Variants in GABRG3 observed in about 807,000 individuals in gnomAD.
GABRG3 encodes gamma-aminobutyric acid type A receptor subunit gamma3.
A neutral mutation model predicts 48.8 loss-of-function variants in GABRG3; 25 were observed. That is an observed-to-expected ratio of 0.51 (90% CI 0.37 to 0.72). GABRG3 has a LOEUF of 0.72. Among genes scored for constraint, GABRG3 ranks in the 30% least tolerant of loss-of-function variants. The pLI is 0.00. For missense variants in GABRG3, 394 were observed against 577.9 expected (o/e 0.68, Z 3.26); for synonymous variants, 227 against 217.6 (o/e 1.04, Z -0.38).
At chr15:27,231,918 A>G (rs1397995527) in intron 3 of GABRG3, among the ~76,000 whole-genome samples, 1 of 152,164 alleles carries the variant, frequency 6.6e-6, no homozygotes, top group Non-Finnish European at 1.5e-5. Flanking sequence ...TAGATGGAGA[A>G]ACTGTAATGC....
intron 2 of GABRG3, among the ~76,000 whole-genome samples, chr15:26,998,323 A>G (rs1201983059): frequency 6.6e-6 from 1 of 152,198 alleles, no homozygotes; most frequent in Non-Finnish European, 1.5e-5. Context: ...AAATGATGCC[A>G]TCCTCCTTGT....
intron 3 of GABRG3, among the ~76,000 whole-genome samples, chr15:27,101,454 G>A (rs1019172646): frequency 6.6e-6 from 1 of 152,094 alleles, no homozygotes; most frequent in Admixed American, 6.6e-5. Flanking sequence ...AATTTTCACA[G>A]AACAGTACAA....
intron 5 of GABRG3, among the ~76,000 whole-genome samples, chr15:27,435,588 G>A (rs1487711307): frequency 6.6e-6 from 1 of 152,086 alleles, no homozygotes; most frequent in South Asian, 2.1e-4. Flanking sequence ...TCAATAAATA[G>A]GTTGAGTGTA....
chr15:27,088,422 C>T (rs115440383), intron 3 of GABRG3, among the ~76,000 whole-genome samples: 2,498 of 152,150 alleles, frequency 0.016, 72 homozygotes, highest in African/African-American at 0.058. Flanking sequence ...AGTCTGCAGC[C>T]CCAGGGGCTT....
At chr15:27,142,857 C>T (rs1490822102) in intron 3 of GABRG3, among the ~76,000 whole-genome samples, 2 of 151,848 alleles carry the variant, frequency 1.3e-5, no homozygotes, top group African/African-American at 4.8e-5. Flanking sequence ...CCTCAAGTGA[C>T]GCTCCTACCT....
At chr15:27,203,978 A>G (rs900263497) in intron 3 of GABRG3, among the ~76,000 whole-genome samples, 4 of 152,070 alleles carry the variant, frequency 2.6e-5, no homozygotes, top group Non-Finnish European at 1.5e-5. Context: ...TAGTTTGTGA[A>G]TATTTTCTCC....
At chr15:27,004,432 C>G (rs1041261343) in intron 2 of GABRG3, among the ~76,000 whole-genome samples, 4 of 151,478 alleles carry the variant, frequency 2.6e-5, no homozygotes, top group Non-Finnish European at 2.9e-5. Flanking sequence ...GATGGGATGG[C>G]GGCCGGGCAG....
At chr15:27,150,974 A>G (rs1031529294) in intron 3 of GABRG3, among the ~76,000 whole-genome samples, 2 of 152,198 alleles carry the variant, frequency 1.3e-5, no homozygotes, top group Non-Finnish European at 2.9e-5. Context: ...CTCATTTCCA[A>G]ATTTACTGAT....
At chr15:27,240,780 A>G (rs1890107567) in intron 3 of GABRG3, among the ~76,000 whole-genome samples, 1 of 152,120 alleles carries the variant, frequency 6.6e-6, no homozygotes, top group African/African-American at 2.4e-5. Context: ...TGTATTTTCT[A>G]TTATTATGAT....
chr15:27,521,973 G>T (rs1187942360), intron 7 of GABRG3, among the ~76,000 whole-genome samples: 2 of 151,846 alleles, frequency 1.3e-5, no homozygotes, highest in Non-Finnish European at 2.9e-5. Context: ...GAAAACAAGT[G>T]GTTAAGAAAT....
In GABRG3 at chr15:27,211,120, C is replaced by G. The variant is rs1010180309; in HGVS notation, c.271-115689C>G. Among the ~76,000 whole-genome samples the G allele has an allele frequency of 2.0e-5, 3 of 152,306 alleles. No individual in the cohort carries two copies. The South Asian group carries it at 6.2e-4, about 32-fold the overall frequency. Reference sequence around the variant, plus strand: ...ATGAACCAATGAGGAAACACCGCTGCTTGGCAGGCCAGCATCTTGAATGTC... The same window carrying G: ...ATGAACCAATGAGGAAACACCGCTGGTTGGCAGGCCAGCATCTTGAATGTC... On this transcript the variant is annotated intron_variant, in intron 3 of 9. Transcript: ENST00000615808.
At chr15:27,013,310 T>A (rs1895722353) in intron 2 of GABRG3, among the ~76,000 whole-genome samples, 1 of 152,144 alleles carries the variant, frequency 6.6e-6, no homozygotes, top group African/African-American at 2.4e-5. Context: ...TTCATTCACC[T>A]GTTGATTGAC....
At chr15:27,176,865 G>A (rs1307930341) in intron 3 of GABRG3, among the ~76,000 whole-genome samples, 2 of 152,134 alleles carry the variant, frequency 1.3e-5, no homozygotes, top group Admixed American at 6.5e-5. Context: ...ATTATGTGCT[G>A]GAAAGAGAGC....
intron 5 of GABRG3, among the ~76,000 whole-genome samples, chr15:27,368,594 C>T (rs777079911): frequency 1.4e-4 from 22 of 152,150 alleles, no homozygotes; most frequent in South Asian, 2.1e-4. Context: ...CACAGACCCT[C>T]ACAACACCAT....
chr15:27,308,539 T>C (rs1248050467), intron 3 of GABRG3, among the ~76,000 whole-genome samples: 1 of 139,322 alleles, frequency 7.2e-6, no homozygotes, highest in African/African-American at 3.0e-5. Context: ...TATATAAACA[T>C]ATATAATGTA....
At chr15:27,471,629 A>G (rs556174946) in intron 5 of GABRG3, among the ~76,000 whole-genome samples, 5 of 152,220 alleles carry the variant, frequency 3.3e-5, no homozygotes, top group Non-Finnish European at 5.9e-5. Flanking sequence ...TTTCCCTATC[A>G]TAATTTTCTT....
At chr15:27,273,258 C>A (rs1891147165) in intron 3 of GABRG3, among the ~76,000 whole-genome samples, 1 of 152,058 alleles carries the variant, frequency 6.6e-6, no homozygotes, top group African/African-American at 2.4e-5. Context: ...ATACATTTTT[C>A]TTTTGGATTA....
intron 3 of GABRG3, among the ~76,000 whole-genome samples, chr15:27,121,316 C>G (rs951436005): frequency 1.3e-5 from 2 of 152,198 alleles, no homozygotes; most frequent in African/African-American, 4.8e-5. Flanking sequence ...TGTTCACAGG[C>G]TCCAGATGCC....
At chr15:27,282,980 G>A (rs1375550426) in intron 3 of GABRG3, among the ~76,000 whole-genome samples, 1 of 152,148 alleles carries the variant, frequency 6.6e-6, no homozygotes, top group Non-Finnish European at 1.5e-5. Flanking sequence ...TGACACCTGA[G>A]AAAGTCCTGC....
Sources: allele counts gnomAD v4.1 joint callset (sites outside exome capture counted in the v4.1 genomes callset), GRCh38; gene constraint gnomAD v4.1.1; transcripts MANE v1.5; gene names NCBI Gene and HGNC (gene_info 2026-07-23, HGNC 2026-07-21).